Variants in CTBP2 observed in about 807,000 individuals in gnomAD.
CTBP2 encodes C-terminal-binding protein 2.
A neutral mutation model predicts 80.3 loss-of-function variants in CTBP2; 30 were observed. The ratio of observed to expected loss-of-function variants is 0.37; its 90% CI spans 0.28 to 0.51. The LOEUF is 0.51. CTBP2 is among the 20% of genes least tolerant of loss of function. CTBP2 has a pLI of 0.93. For missense variants in CTBP2, 1,212 were observed against 1,375.3 expected (o/e 0.88, Z 1.88); for synonymous variants, 594 against 587.4 (o/e 1.01, Z -0.16).
chr10:125,011,543 C>G (rs1955904975), intron 1 of CTBP2, among the ~76,000 whole-genome samples: 1 of 152,176 alleles, frequency 6.6e-6, no homozygotes, highest in Admixed American at 6.5e-5. Context: ...GTGGTATCTT[C>G]CAGGGTTGGA....
Position 125,026,681 on chromosome 10 carries a change from C to A in CTBP2, c.1079G>T (p.Arg360Leu), listed in dbSNP as rs755519152. Residue 360 changes from arginine to leucine, a missense_variant, in exon 1 of 9, where the codon CGG becomes CTG. Arg to Leu is a moderately radical substitution (Grantham distance 102). Transcript: ENST00000309035. Reference sequence around the variant, plus strand: ...CCGCGCCCGGGGCAGCGGGCCCCCCCGGTCCTGCCTCCGCAGCTGCATTTC... The same window carrying A: ...CCGCGCCCGGGGCAGCGGGCCCCCCAGGTCCTGCCTCCGCAGCTGCATTTC... 10 of 1,608,750 alleles carry A rather than the reference C, an allele frequency of 6.2e-6. No individual in the cohort carries two copies. The highest frequency in any genetic ancestry group is 2.2e-5 in the East Asian group (1 of 44,574).
chr10:125,055,610 T>A (rs554095419), intron 2 of CTBP2, among the ~76,000 whole-genome samples: 1 of 152,122 alleles, frequency 6.6e-6, no homozygotes, highest in African/African-American at 2.4e-5. Context: ...ACCAGCCAGA[T>A]GCAAAACACG....
In CTBP2 at chr10:125,113,144, A is replaced by C. The variant is rs150188380; in HGVS notation, c.-205-2051T>G. 5.6e-4 allele frequency among the ~76,000 whole-genome samples: 86 copies of C among 152,358 alleles called. 2 individuals are homozygous for C. The highest frequency in any genetic ancestry group is 2.9e-5 in the Non-Finnish European group (2 of 68,040). ...CACACCTCTTAAGGAAGTAGATGGGAGACAGACATTCCAGCCTCAGAAGTG... is the reference window on the plus strand; with the variant it reads ...CACACCTCTTAAGGAAGTAGATGGGCGACAGACATTCCAGCCTCAGAAGTG... On this transcript the variant is annotated intron_variant, in intron 1 of 10. Transcript: ENST00000337195.
chr10:125,095,293 A>G (rs557417594), intron 2 of CTBP2, among the ~76,000 whole-genome samples: 1 of 152,326 alleles, frequency 6.6e-6, no homozygotes, highest in Admixed American at 6.5e-5. Flanking sequence ...GCCAAGGTCA[A>G]TGCCTAAGGC....
At chr10:125,063,811 T>C (rs1223547153) in intron 2 of CTBP2, among the ~76,000 whole-genome samples, 3 of 152,188 alleles carry the variant, frequency 2.0e-5, no homozygotes, top group African/African-American at 4.8e-5. Flanking sequence ...AGCTCTCCCG[T>C]GGCTATGTCA....
chr10:125,100,829 GT>G (rs1245361463), intron 2 of CTBP2: 2 of 152,146 alleles, frequency 1.3e-5, no homozygotes, highest in African/African-American at 4.8e-5. Context: ...GGGTACAAAG[GT>G]ATTGCATTCA....
Position 125,026,396 on chromosome 10 carries a change from T to A in CTBP2, c.1364A>T (p.Tyr455Phe). 1 of 1,609,540 alleles carries A rather than the reference T, an allele frequency of 6.2e-7. No individual in the cohort carries two copies. Among genetic ancestry groups the A allele is most frequent in the East Asian group, 2.2e-5 (1 of 44,644 alleles). ...CAAGGCCACCCCTGCCTGCAGGGGG[T>A]ACGTGGGGCTCAGACGCGCTGTCAG... Residue 455 changes from tyrosine to phenylalanine, a missense_variant, in exon 1 of 9, where the codon TAC becomes TTC. Physicochemically the swap from Tyr to Phe is conservative, Grantham distance 22. This residue lies in a region of CTBP2 where 848 missense variants were observed against 782.3 expected (regional missense o/e 1.08). Transcript: ENST00000309035.
chr10:124,993,753 C>A, intron 6 of CTBP2, 102 bp downstream of exon 8: 1 of 1,398,614 alleles, frequency 7.1e-7, no homozygotes. Context: ...AGTTTCCTGC[C>A]CAGGGACCTG....
At position 125,108,247 on chromosome 10, in the gene CTBP2, C is replaced by CT. The variant is rs570791538; in HGVS notation, c.-102+2742dup. Among the ~76,000 whole-genome samples, 535 of 152,262 alleles carry CT rather than the reference C, an allele frequency of 3.5e-3. 1 individual carries two copies. The highest frequency in any genetic ancestry group is 0.011 in the African/African-American group (464 of 41,552). ...GGCTGAAGTGTTTGACGTCAAGTTA[C>CT]TAAAAAAGACGGCCATAAACCAAAA... On this transcript the variant is annotated intron_variant, in intron 2 of 10. Coordinates refer to the CTBP2 transcript ENST00000337195.
chr10:125,048,937 A>G (rs1961953307), intron 2 of CTBP2, among the ~76,000 whole-genome samples: 1 of 152,136 alleles, frequency 6.6e-6, no homozygotes, highest in South Asian at 2.1e-4. Context: ...TTCCTGGTAG[A>G]CACTAATTTA....
chr10:125,079,278 G>A (rs1374939231), intron 2 of CTBP2, among the ~76,000 whole-genome samples: 1 of 152,126 alleles, frequency 6.6e-6, no homozygotes, highest in Non-Finnish European at 1.5e-5. Flanking sequence ...AGTACACGGA[G>A]GACACAGGGC....
chr10:125,127,837 C>A (rs560110424), intron 1 of CTBP2, among the ~76,000 whole-genome samples: 2 of 152,290 alleles, frequency 1.3e-5, no homozygotes, highest in South Asian at 4.1e-4. Context: ...CAGCAACTGT[C>A]GTGAAATTTT....
chr10:124,993,306 T>A lies in CTBP2; in HGVS notation c.2555A>T (p.Asp852Val). The A allele has an allele frequency of 6.2e-7, 1 of 1,609,586 alleles. No individual in the cohort carries two copies. Among genetic ancestry groups the A allele is most frequent in the Non-Finnish European group, 8.5e-7 (1 of 1,176,298 alleles). ...AGGAGTGCAGATGAGATTCGGGGCA[T>A]CTTTCAACGGACCCTGAGCAAAGCT... The change falls in exon 7 of 9, where the codon GAT (aspartate) becomes GTT (valine). Residue 852 changes from aspartate to valine, a missense_variant. This residue lies in a region of CTBP2 where 335 missense variants were observed against 504.7 expected (regional missense o/e 0.66). Coordinates refer to ENST00000309035, the MANE Select transcript of CTBP2 (RefSeq NM_022802.3).
chr10:125,104,195 G>A (rs1851094229), intron 2 of CTBP2, among the ~76,000 whole-genome samples: 1 of 152,192 alleles, frequency 6.6e-6, no homozygotes, highest in Non-Finnish European at 1.5e-5. Flanking sequence ...GATCCCAGCG[G>A]CCTGGAGAAA....
intron 1 of CTBP2, among the ~76,000 whole-genome samples, chr10:125,150,569 G>A (rs531944375): frequency 1.2e-3 from 178 of 152,104 alleles, no homozygotes; most frequent in African/African-American, 4.2e-3. Flanking sequence ...GGCGAAGTTG[G>A]TAGTAACTAG....
chr10:125,046,534 T>A (rs1183681258), intron 2 of CTBP2, among the ~76,000 whole-genome samples: 4 of 39,252 alleles, frequency 1.0e-4, no homozygotes, highest in African/African-American at 3.7e-4. Context: ...TGAGACTCTA[T>A]CTCAAAAAAA....
At chr10:125,031,949 A>C (rs1046060183), upstream of CTBP2, among the ~76,000 whole-genome samples, 1 of 152,180 alleles carries the variant, frequency 6.6e-6, no homozygotes, top group African/African-American at 2.4e-5. Flanking sequence ...GGTAAGTGAA[A>C]ACAAAGGCCT....
intron 1 of CTBP2, among the ~76,000 whole-genome samples, chr10:125,123,094 C>T (rs1854605932): frequency 6.6e-6 from 1 of 152,220 alleles, no homozygotes; most frequent in Admixed American, 6.5e-5. Flanking sequence ...GACACGCCAA[C>T]TCCAGAACTT....
intron 2 of CTBP2, among the ~76,000 whole-genome samples, chr10:125,088,699 A>T (rs902120917): frequency 2.0e-5 from 3 of 152,070 alleles, no homozygotes; most frequent in African/African-American, 7.3e-5. Context: ...TTGGCTAGAA[A>T]TCAATAGCCC....
Sources: gnomAD v4.1 joint callset for allele counts (sites outside exome capture counted in the v4.1 genomes callset) on GRCh38, gnomAD v4.1.1 for gene constraint, gnomAD v4.1.1 regional missense constraint, MANE v1.5 for transcripts, NCBI Gene and HGNC (gene_info 2026-07-23, HGNC 2026-07-21) for gene names.